NDUFA10: variants seen among roughly 807,000 people sequenced by gnomAD.
NDUFA10 encodes NADH dehydrogenase [ubiquinone] 1 alpha subcomplex subunit 10, mitochondrial.
NDUFA10 carries 40 observed loss-of-function variants against 47.8 expected under a neutral mutation model. That is an observed-to-expected ratio of 0.84 (90% CI 0.65 to 1.09). The LOEUF (loss-of-function observed/expected upper bound fraction) is 1.09. Ranked by LOEUF, NDUFA10 falls within the 50% of genes least tolerant of loss-of-function variation. NDUFA10 has a pLI of 0.00. For synonymous variants in NDUFA10, 183 were observed against 172.2 expected (o/e 1.06, Z -0.49); for missense variants, 413 against 451.1 (o/e 0.92, Z 0.76).
At chr2:239,999,867 C>T (rs536141720) in intron 8 of NDUFA10, among the ~76,000 whole-genome samples, 2 of 152,308 alleles carry the variant, frequency 1.3e-5, no homozygotes, top group Non-Finnish European at 2.9e-5. Context: ...AGGTTCCTGC[C>T]GGTTTCCAGT....
chr2:239,948,194 C>G (rs1694489521), intron 4 of NDUFA10, among the ~76,000 whole-genome samples: 1 of 152,252 alleles, frequency 6.6e-6, no homozygotes, highest in African/African-American at 2.4e-5. Context: ...CTAGAACCTC[C>G]TGGGCCCTGC....
intron 4 of NDUFA10, among the ~76,000 whole-genome samples, chr2:239,938,091 G>A (rs1694297144): frequency 6.6e-6 from 1 of 152,098 alleles, no homozygotes; most frequent in Non-Finnish European, 1.5e-5. Context: ...ATAAGAGAAG[G>A]GAGCCCAGTG....
intron 4 of NDUFA10, among the ~76,000 whole-genome samples, chr2:239,922,555 G>T (rs1466786453): frequency 6.6e-6 from 1 of 152,230 alleles, no homozygotes; most frequent in African/African-American, 2.4e-5. Flanking sequence ...CTTCTCAGGG[G>T]ATAGAGGCGG....
intron 4 of NDUFA10, among the ~76,000 whole-genome samples, chr2:239,910,033 T>G (rs1016595938): frequency 2.4e-4 from 36 of 150,792 alleles, no homozygotes; most frequent in African/African-American, 8.5e-4. Context: ...CTCATGCCAG[T>G]CAGAATGACT....
chr2:239,931,867 G>T (rs1485599999), intron 4 of NDUFA10, among the ~76,000 whole-genome samples: 1 of 112,598 alleles, frequency 8.9e-6, no homozygotes, highest in Non-Finnish European at 1.7e-5. Flanking sequence ...ACGGAGTCTC[G>T]CTCTGTGGCC....
chr2:240,015,223 T>C (rs1169354757), intron 4 of NDUFA10, among the ~76,000 whole-genome samples: 1 of 152,248 alleles, frequency 6.6e-6, no homozygotes, highest in Non-Finnish European at 1.5e-5. Context: ...GACAGATCTT[T>C]AGCACATCTT....
chr2:240,007,431 AAATG>A, intron 6 of NDUFA10, 61 bp from the exon 7 acceptor site: 2 of 1,138,002 alleles, frequency 1.8e-6, no homozygotes, highest in Non-Finnish European at 2.7e-6. Flanking sequence ...TTAAATGTAC[AAATG>A]AATACATACC....
Position 239,949,354 on chromosome 2 carries a change from T to C in NDUFA10, c.294+40720A>G, listed in dbSNP as rs149322077. ...CAGGTATTTGGTCAAACAAGATTTT[T>C]GGGGTGTATCTGTGGGGGATGAGAT... is the stretch of plus-strand genomic sequence containing the variant. On this transcript the variant is annotated intron_variant, in intron 4 of 5. Coordinates refer to the NDUFA10 transcript ENST00000419408. Among the ~76,000 whole-genome samples the C allele has an allele frequency of 9.2e-5, 14 of 152,260 alleles. No homozygotes were observed. In the East Asian group the frequency reaches 2.7e-3, roughly 29 times the overall value.
chr2:239,985,534 T>C (rs1695964462), intron 9 of NDUFA10, among the ~76,000 whole-genome samples: 1 of 150,062 alleles, frequency 6.7e-6, no homozygotes, highest in Non-Finnish European at 1.5e-5. Context: ...ATATGGTGCA[T>C]GGTGAAAAGG....
At chr2:240,018,386 G>A (rs1481210105) in intron 4 of NDUFA10, 167 bp downstream of exon 4, 1 of 1,536,016 alleles carries the variant, frequency 6.5e-7, no homozygotes, top group African/African-American at 1.4e-5. Context: ...GAGAAAGGGT[G>A]GAAGATACTT....
At chr2:239,979,997 C>T (rs1009632310) in intron 9 of NDUFA10, among the ~76,000 whole-genome samples, 1 of 151,960 alleles carries the variant, frequency 6.6e-6, no homozygotes, top group Non-Finnish European at 1.5e-5. Flanking sequence ...ATCCCTCACT[C>T]CCCTGTGGCG....
intron 4 of NDUFA10, among the ~76,000 whole-genome samples, chr2:239,917,084 G>A (rs1198232439): frequency 6.6e-6 from 1 of 152,210 alleles, no homozygotes; most frequent in Non-Finnish European, 1.5e-5. Context: ...ATCCAGGCAG[G>A]AATGCCTGGG....
intron 9 of NDUFA10, 32 bp from the exon 10 acceptor site, chr2:239,961,218 T>C (rs1694841641): frequency 6.2e-7 from 1 of 1,614,044 alleles, no homozygotes; most frequent in African/African-American, 1.3e-5. Context: ...GTGCATTCTG[T>C]TTAACGTGAA....
In NDUFA10 at chr2:239,899,067, G is replaced by A. The variant is rs1226776218; in HGVS notation, c.295-3753C>T. Among the ~76,000 whole-genome samples, 11 of 59,230 alleles carry A rather than the reference G, an allele frequency of 1.9e-4. 1 individual carries two copies. Among genetic ancestry groups the A allele is most frequent in the African/African-American group, 4.9e-4 (8 of 16,428 alleles). 38.9% of individuals were successfully genotyped at this position (59,230 alleles called of 152,430 possible). A position where few individuals can be genotyped will look rare whatever the true frequency, so the allele number is the denominator to read the frequency against. Reference sequence around the variant, plus strand: ...GGTGTGATGGAGGAGTGTGATGGAGGGGTGTGATGGAGGAGTGTGGAGGGG... The same window carrying A: ...GGTGTGATGGAGGAGTGTGATGGAGAGGTGTGATGGAGGAGTGTGGAGGGG... On this transcript the variant is annotated intron_variant, in intron 4 of 5. Transcript: ENST00000419408.
At chr2:239,988,618 G>A in intron 9 of NDUFA10, among the ~76,000 whole-genome samples, 1 of 152,158 alleles carries the variant, frequency 6.6e-6, no homozygotes, top group East Asian at 1.9e-4. Flanking sequence ...GCAGCCTGGA[G>A]GTCAACAGGA....
chr2:240,022,053 C>A (rs1697645609), intron 2 of NDUFA10, 119 bp downstream of exon 2: 6 of 843,264 alleles, frequency 7.1e-6, no homozygotes, highest in Non-Finnish European at 9.5e-6. Flanking sequence ...AAATACCCAC[C>A]TTAGGCCCAA....
At chr2:239,896,325 G>T (rs1693395404) in intron 4 of NDUFA10, among the ~76,000 whole-genome samples, 1 of 152,250 alleles carries the variant, frequency 6.6e-6, no homozygotes, top group Admixed American at 6.5e-5. Flanking sequence ...GGGCAGACCT[G>T]GCCGAGCATT....
At chr2:239,933,201 A>G (rs1694207186) in intron 4 of NDUFA10, among the ~76,000 whole-genome samples, 1 of 152,160 alleles carries the variant, frequency 6.6e-6, no homozygotes, top group African/African-American at 2.4e-5. Flanking sequence ...GCCCTTCTCA[A>G]GGCTAACAGC....
intron 3 of NDUFA10, 136 bp from the exon 4 acceptor site, chr2:240,018,775 A>C: frequency 9.8e-7 from 1 of 1,020,200 alleles, no homozygotes; most frequent in Non-Finnish European, 1.5e-6. Context: ...TGAAAAGAAC[A>C]TAGACATATT....
Sources: allele counts gnomAD v4.1 joint callset (sites outside exome capture counted in the v4.1 genomes callset), GRCh38; gene constraint gnomAD v4.1.1; transcripts MANE v1.5; gene names NCBI Gene and HGNC (gene_info 2026-07-23, HGNC 2026-07-21).